The following MYH3 variants were observed in gnomAD, a reference collection of about 807,000 sequenced individuals.
The protein encoded by MYH3 is myosin-3.
Under a neutral mutation model 238.0 loss-of-function variants are expected in MYH3, and 130 were observed. That is an observed-to-expected ratio of 0.55 (90% confidence interval 0.47 to 0.63). MYH3 has a LOEUF of 0.63. Among genes scored for constraint, MYH3 ranks in the 30% least tolerant of loss-of-function variants. The pLI, the probability that MYH3 is intolerant of heterozygous loss-of-function variation, is 0.00. For synonymous variants in MYH3, 880 were observed against 924.1 expected, an observed-to-expected ratio of 0.95 and a Z score of 0.86; for missense variants, 1,853 against 2,374.9, an observed-to-expected ratio of 0.78 and a Z score of 4.57.
At position 10,639,052 on chromosome 17, in the gene MYH3, C is replaced by G. The variant is rs1195705565; in HGVS notation, c.3240G>C (p.Arg1080Ser). 1 of 1,614,116 alleles carries G rather than the reference C, an allele frequency of 6.2e-7. No individual in the cohort carries two copies. The highest frequency in any genetic ancestry group is 8.5e-7 in the Non-Finnish European group (1 of 1,180,050). Residue 1080 changes from arginine to serine, a missense_variant, in exon 25 of 41, where the codon AGG (arginine) becomes AGC (serine). Physicochemically the swap from Arg to Ser is moderately radical, Grantham distance 110. Around this residue, in one of 3 missense-constraint regions of MYH3, gnomAD observed 1,044 missense variants for 1,192.6 expected, o/e 0.88. Transcript: ENST00000583535. ...GTGGTTGAAGGGCATACTTCTTGAGCCTTTCGTCCAGCTGTTGCTTGTCAT... is the reference window on the plus strand; with the variant it reads ...GTGGTTGAAGGGCATACTTCTTGAGGCTTTCGTCCAGCTGTTGCTTGTCAT... Reference protein sequence around the residue: ...LENDKQQLDERLKKKDFEYCQ... With the variant: ...LENDKQQLDESLKKKDFEYCQ...
chr17:10,640,777 G>A (rs1337472779), intron 19 of MYH3, 91 bp from the exon 20 acceptor site: 35 of 1,473,388 alleles, frequency 2.4e-5, no homozygotes, highest in Non-Finnish European at 3.3e-5. Context: ...CCTATAGGCA[G>A]AAGGCCAAGG....
At chr17:10,656,551 A>T (rs7224240) in intron 1 of MYH3, among the ~76,000 whole-genome samples, 86,783 of 148,072 alleles carry the variant, frequency 0.59, 28,182 homozygotes, top group Non-Finnish European at 0.73. Flanking sequence ...AAAAAAAAAA[A>T]AAAAAAAAAA....
At chr17:10,632,446 G>C (rs754059973) in intron 34 of MYH3, 30 bp downstream of exon 34, 2 of 1,605,838 alleles carry the variant, frequency 1.2e-6, no homozygotes, top group Non-Finnish European at 8.5e-7. Context: ...GAGGAGGAGA[G>C]AGGTTTTTCC....
At chr17:10,664,506 T>G in the MYH3 span, among the ~76,000 whole-genome samples, 1 of 152,176 alleles carries the variant, frequency 6.6e-6, no homozygotes, top group Non-Finnish European at 1.5e-5. Flanking sequence ...CTGGAAAGTT[T>G]GCAAAGTTAA....
In MYH3 at chr17:10,642,495, C is replaced by T. The variant is rs369547729; in HGVS notation, c.1810G>A (p.Glu604Lys). 11 of 1,614,094 alleles carry T rather than the reference C, an allele frequency of 6.8e-6. No individual in the cohort carries two copies. Among genetic ancestry groups the T allele is most frequent in the East Asian group, 2.2e-5 (1 of 44,886 alleles). ...WLEKNKDPLN[E>K]TVVGLYQKSS... Reference sequence around the variant, plus strand: ...TTCTGGTACAGCCCAACCACAGTCTCGTTCAGAGGGTCCTTGTTCTTCTCC... The same window carrying T: ...TTCTGGTACAGCCCAACCACAGTCTTGTTCAGAGGGTCCTTGTTCTTCTCC... Residue 604 changes from glutamate (E) to lysine (K), a missense_variant, in exon 16 of 41, where the codon GAG (glutamate) becomes AAG (lysine). This residue lies in a region of MYH3 where 678 missense variants were observed against 1,058.9 expected (regional missense o/e 0.64). Transcript: ENST00000583535. This position sits in a 1 kb window ranked among gnomAD's most constrained non-coding sequence, Gnocchi z 5.4.
chr17:10,648,369 C>T (rs1268552609), intron 8 of MYH3, among the ~76,000 whole-genome samples, 188 bp downstream of exon 8: 1 of 152,192 alleles, frequency 6.6e-6, no homozygotes, highest in Non-Finnish European at 1.5e-5. Context: ...AGCCTGGCCC[C>T]CAGTTCCTCT....
rs1164533479 is a variant in MYH3 at position 10,632,495 on chromosome 17, C to T, written c.4937G>A (p.Ser1646Asn). Residue 1646 changes from serine (S) to asparagine (N), a missense_variant, in exon 34 of 41, where the codon AGT (serine) becomes AAT (asparagine). Physicochemically the swap from Ser to Asn is conservative, Grantham distance 46 (BLOSUM62 1). This residue lies in a region of MYH3 where 1,044 missense variants were observed against 1,192.6 expected (regional missense o/e 0.88). Transcript: ENST00000583535. ...QAAETLKHLRSVQGQLKDTQL... is the reference protein window; with the variant it reads ...QAAETLKHLRNVQGQLKDTQL... The stretch of plus-strand genomic sequence containing the variant: ...TCAAACCTTCAGCTGTCCCTGGACA[C>T]TCCTGAGGTGTTTGAGGGTCTCCGC... 7 of 1,613,976 alleles carry T rather than the reference C, an allele frequency of 4.3e-6. No individual in the cohort carries two copies. The South Asian group carries it at 7.7e-5, about 18-fold the overall frequency.
rs570532212 is a variant in MYH3 at position 10,642,127 on chromosome 17, T to C, written c.1959+113A>G. ...TGTCACTTCACCTCAGTGACAGTAA[T>C]CAGATTAAGACAACACTACTACTCT... On this transcript the variant is annotated intron_variant, in intron 17 of 40. Coordinates refer to ENST00000583535, the MANE Select transcript of MYH3 (RefSeq NM_002470.4). This position sits in a 1 kb window ranked among gnomAD's most constrained non-coding sequence, Gnocchi z 5.4. 225 of 961,572 alleles carry C rather than the reference T, an allele frequency of 2.3e-4. 2 individuals are homozygous for C. In the South Asian group the frequency reaches 3.0e-3, roughly 13 times the overall value. 59.6% of individuals were successfully genotyped at this position (961,572 alleles called of 1,614,324 possible).
the MYH3 span, among the ~76,000 whole-genome samples, chr17:10,663,362 C>T: frequency 2.6e-5 from 4 of 152,138 alleles, no homozygotes; most frequent in African/African-American, 4.8e-5. Flanking sequence ...AAGAATGTCT[C>T]GCGGAACAAG....
chr17:10,634,321 G>A (rs2074192998), intron 31 of MYH3, 139 bp from the exon 32 acceptor site: 2 of 984,258 alleles, frequency 2.0e-6, no homozygotes, highest in Non-Finnish European at 3.2e-6. Context: ...CGATTATTGG[G>A]CTAATCAAGA....
In MYH3 at chr17:10,645,765, C is replaced by T. The variant is rs2142410704; in HGVS notation, c.1083G>A (p.Gly361=). 6.2e-7 allele frequency: 1 copy of T among 1,613,898 alleles called. No individual in the cohort carries two copies. The highest frequency in any genetic ancestry group is 1.7e-4 in the Middle Eastern group (1 of 6,022). Residue 361 remains glycine (G), a synonymous_variant, in exon 12 of 41, where the codon GGG becomes GGA. Transcript: ENST00000583535. ...YKLTGAVMHY[G]NMKFKQKQRE... The stretch of plus-strand genomic sequence containing the variant: ...GCTGCTTCTGCTTGAACTTCATGTT[C>T]CCGTAGTGCATCACGGCTCCCGTCA...
chr17:10,651,744 ATTG>A (rs1165619812), intron 4 of MYH3, 76 bp from the exon 5 acceptor site: 29 of 1,135,086 alleles, frequency 2.6e-5, no homozygotes, highest in African/African-American at 3.5e-5. Context: ...TATTATTATT[ATTG>A]TTTTTTTTTT....
At position 10,648,641 on chromosome 17, in the gene MYH3, C is replaced by G; in HGVS notation, c.651G>C (p.Leu217=). Residue 217 remains leucine (L), a synonymous_variant, in exon 8 of 41, where the codon CTG becomes CTC. Coordinates refer to ENST00000583535, the MANE Select transcript of MYH3 (RefSeq NM_002470.4). ...KKKDSKMKGT[L]EDQIISANPL... ...GATTGGCACTGATGATTTGATCTTC[C>G]AGAGTCCCCTAATGCAAGAAATTGA... 6.2e-7 allele frequency: 1 copy of G among 1,613,568 alleles called. No homozygotes were observed. Among genetic ancestry groups the G allele is most frequent in the Non-Finnish European group, 8.5e-7 (1 of 1,179,644 alleles).
At chr17:10,650,857 G>A (rs1367639384) in intron 5 of MYH3, among the ~76,000 whole-genome samples, 2 of 152,050 alleles carry the variant, frequency 1.3e-5, no homozygotes, top group East Asian at 1.9e-4. Context: ...CCTCCTTCTT[G>A]AGACTGAGAC....
chr17:10,630,557 GA>G (rs2074145892), intron 36 of MYH3, 99 bp from the exon 37 acceptor site: 2 of 1,568,684 alleles, frequency 1.3e-6, no homozygotes, highest in East Asian at 2.2e-5. Context: ...CCATGCTAAA[GA>G]AAAAGGACAG....
chr17:10,671,714 G>C, the MYH3 span, among the ~76,000 whole-genome samples: 2 of 151,648 alleles, frequency 1.3e-5, no homozygotes, highest in East Asian at 3.9e-4. Flanking sequence ...TGAGTAGCTG[G>C]GACTATAGGC....
the MYH3 span, chr17:10,673,954 G>A: frequency 6.6e-6 from 1 of 152,148 alleles, no homozygotes; most frequent in Admixed American, 6.5e-5. Context: ...GTGTTTCATG[G>A]GAGCGAAATT....
intron 33 of MYH3, 112 bp from the exon 34 acceptor site, chr17:10,632,896 T>A: frequency 8.3e-7 from 1 of 1,207,866 alleles, no homozygotes; most frequent in Non-Finnish European, 1.2e-6. Context: ...AATCCTACAA[T>A]AGTCACAATT....
chr17:10,635,707 G>A lies in MYH3; in HGVS notation c.3975+28C>T, dbSNP rs1278246016. 5.0e-6 allele frequency: 8 copies of A among 1,612,188 alleles called. No homozygotes were observed. In the South Asian group the frequency reaches 7.7e-5, roughly 15 times the overall value. On this transcript the variant is annotated intron_variant, in intron 29 of 40. Transcript: ENST00000583535. ...CTACAGGTGATATTTAAAAATAAGG[G>A]CAAAGAAGTCTTCCTTCAATGGTGT...
Sources: allele counts gnomAD v4.1 joint callset (sites outside exome capture counted in the v4.1 genomes callset), GRCh38; gene constraint gnomAD v4.1.1; regional missense constraint gnomAD v4.1.1; non-coding constraint Gnocchi (gnomAD v3.1); transcripts MANE v1.5; gene names NCBI Gene and HGNC (gene_info 2026-07-23, HGNC 2026-07-21).